Variants in ZNF695 observed in about 807,000 individuals in gnomAD.
ZNF695 encodes zinc finger protein 695.
In ZNF695, 11 loss-of-function variants were observed where a neutral mutation model predicts 11.2. That is an observed-to-expected ratio of 0.98 (90% confidence interval 0.62 to 1.62). ZNF695 has a LOEUF of 1.62. Ranked by LOEUF, ZNF695 falls within the 40% of genes most tolerant of loss-of-function variation. The pLI is 0.00. For missense variants in ZNF695, 559 were observed against 590.5 expected, an observed-to-expected ratio of 0.95 and a Z score of 0.55; for synonymous variants, 190 against 201.4, an observed-to-expected ratio of 0.94 and a Z score of 0.48.
intron 4 of ZNF695, among the ~76,000 whole-genome samples, chr1:246,975,050 T>A (rs1558310008): frequency 6.6e-6 from 1 of 152,234 alleles, no homozygotes; most frequent in Non-Finnish European, 1.5e-5. Context: ...TTATTCATTT[T>A]TATTTACTTC....
At chr1:246,965,596 G>GTGTGTGCC (rs1199997628) in intron 5 of ZNF695, among the ~76,000 whole-genome samples, 1 of 151,892 alleles carries the variant, frequency 6.6e-6, no homozygotes, top group East Asian at 1.9e-4. Context: ...AATTAGCCAG[G>GTGTGTGCC]TGTGGTCGTG....
At position 246,947,126 on chromosome 1, in the gene ZNF695, C is replaced by T. The variant is rs1439107210; in HGVS notation, c.489-1299G>A. ...CTGCACTCCAGCCTGGGCGACAAAG[C>T]GAGACTCCGTCAAAAAAAAAAAAAA... is the stretch of plus-strand genomic sequence containing the variant. On this transcript the variant is annotated intron_variant, in intron 5 of 5. Coordinates refer to the ZNF695 transcript ENST00000487338. Among the ~76,000 whole-genome samples, 10 of 97,846 alleles carry T rather than the reference C, an allele frequency of 1.0e-4. No homozygotes were observed. The East Asian group carries it at 2.7e-3, about 26-fold the overall frequency. The allele number at this position is 97,846 out of a possible 152,430, so 64.2% of individuals were successfully genotyped here.
chr1:246,979,379 G>A (rs976921611), intron 4 of ZNF695, among the ~76,000 whole-genome samples: 7 of 152,058 alleles, frequency 4.6e-5, no homozygotes, highest in East Asian at 3.9e-4. Context: ...TCCTGATTCC[G>A]TTTGTCATAG....
chr1:246,962,081 C>T (rs554462668), intron 5 of ZNF695, among the ~76,000 whole-genome samples: 3 of 152,350 alleles, frequency 2.0e-5, no homozygotes, highest in Non-Finnish European at 4.4e-5. Context: ...CTGGTTGCTT[C>T]ATAGGGCAGT....
chr1:246,953,629 C>A (rs1414332521), intron 5 of ZNF695, among the ~76,000 whole-genome samples: 1 of 151,012 alleles, frequency 6.6e-6, no homozygotes, highest in Non-Finnish European at 1.5e-5. Context: ...AACAAAAAAA[C>A]AACAAAGAAA....
At chr1:246,974,601 T>C (rs1293517920) in intron 4 of ZNF695, among the ~76,000 whole-genome samples, 1 of 152,208 alleles carries the variant, frequency 6.6e-6, no homozygotes, top group Non-Finnish European at 1.5e-5. Flanking sequence ...ATAGATATGA[T>C]ACTATAAAAG....
At chr1:246,975,666 A>T (rs528589671) in intron 4 of ZNF695, among the ~76,000 whole-genome samples, 1 of 152,220 alleles carries the variant, frequency 6.6e-6, no homozygotes, top group African/African-American at 2.4e-5. Flanking sequence ...AGTAATCATG[A>T]GGCAGAGGAG....
rs376693588 is a variant in ZNF695, at chr1:246,988,013, A to C, written c.502T>G (p.Phe168Val). The change falls in exon 4 of 4, where the codon TTT becomes GTT. Residue 168 changes from phenylalanine to valine, a missense_variant. Transcript: ENST00000339986. Reference protein sequence around the residue: ...CNKCVKGFSKFANLNKCKISH... With the variant: ...CNKCVKGFSKVANLNKCKISH... ...ATCTTACATTTATTTAGATTTGCAA[A>C]TTTACTAAAACCTTTCACACATTTA... The C allele has an allele frequency of 1.4e-5, 22 of 1,596,546 alleles. No homozygotes were observed. The highest frequency in any genetic ancestry group is 1.8e-5 in the Admixed American group (1 of 55,100).
intron 5 of ZNF695, among the ~76,000 whole-genome samples, chr1:246,955,823 G>T (rs1667980588): frequency 1.3e-5 from 2 of 152,138 alleles, no homozygotes. Context: ...TGCTCAGTGA[G>T]TCCCAGCTGA....
chr1:246,966,985 C>A, intron 5 of ZNF695: 5 of 400,702 alleles, frequency 1.2e-5, no homozygotes, highest in Non-Finnish European at 2.0e-5. Flanking sequence ...GTCGCCCAGG[C>A]TGGAGTGCAA....
chr1:246,969,839 C>T (rs1195841077), intron 4 of ZNF695, among the ~76,000 whole-genome samples: 2 of 152,088 alleles, frequency 1.3e-5, no homozygotes, highest in South Asian at 2.1e-4. Context: ...GGGGGAAGTG[C>T]TACACATTCT....
At chr1:246,977,606 G>A (rs1257191575) in intron 4 of ZNF695, among the ~76,000 whole-genome samples, 1 of 152,168 alleles carries the variant, frequency 6.6e-6, no homozygotes, top group Non-Finnish European at 1.5e-5. Context: ...AGGTGTATAA[G>A]CTTAATAACA....
chr1:247,007,865 C>T (rs1284612102), intron 1 of ZNF695, 41 bp downstream of exon 1: 3 of 1,535,544 alleles, frequency 2.0e-6, no homozygotes, highest in Admixed American at 3.8e-5. Flanking sequence ...ATTCCAACCA[C>T]CCCCTCTCCC....
chr1:246,966,533 C>G (rs1487712534), intron 5 of ZNF695, among the ~76,000 whole-genome samples: 1 of 151,948 alleles, frequency 6.6e-6, no homozygotes, highest in East Asian at 1.9e-4. Context: ...ACCTGTAATC[C>G]CAGCACTTTG....
chr1:247,006,341 G>A (rs892966387), intron 1 of ZNF695, among the ~76,000 whole-genome samples: 8 of 152,074 alleles, frequency 5.3e-5, no homozygotes, highest in Non-Finnish European at 8.8e-5. Context: ...AGCCGGGCGC[G>A]GTGGTTCATG....
intron 5 of ZNF695, chr1:246,966,878 A>G (rs773402023): frequency 2.2e-6 from 1 of 456,506 alleles, no homozygotes; most frequent in Non-Finnish European, 4.4e-6. Context: ...ATGAGGAGTT[A>G]TTGGAGGGTT....
At position 246,976,663 on chromosome 1, in the gene ZNF695, G is replaced by A. The variant is rs555341397; in HGVS notation, c.391-8871C>T. On this transcript the variant is annotated intron_variant, in intron 4 of 5. Coordinates refer to the ZNF695 transcript ENST00000487338. Reference sequence around the variant, plus strand: ...CAAAAAATTAGCCAGGCATGGTGGCGGGCACCTGTAGTCCCAGCTACTCGG... The same window carrying A: ...CAAAAAATTAGCCAGGCATGGTGGCAGGCACCTGTAGTCCCAGCTACTCGG... Among the ~76,000 whole-genome samples, 335 of 151,898 alleles carry A rather than the reference G, an allele frequency of 2.2e-3. 1 individual carries two copies. The highest frequency in any genetic ancestry group is 3.9e-3 in the Non-Finnish European group (265 of 67,972).
chr1:246,987,286 C>A lies in ZNF695; in HGVS notation c.1229G>T (p.Cys410Phe), dbSNP rs1164192376. The change falls in exon 4 of 4, where the codon TGT (cysteine) becomes TTT (phenylalanine). Residue 410 changes from cysteine to phenylalanine, a missense_variant. Coordinates refer to ENST00000339986, the MANE Select transcript of ZNF695 (RefSeq NM_020394.5). ...RIHTGQKPYKCEECGKAFTWF... is the reference protein window; with the variant it reads ...RIHTGQKPYKFEECGKAFTWF... ...GGTAAAAGCTTTGCCACATTCCTCA[C>A]ATTTGTAGGGTTTCTGCCCAGTATG... is the stretch of plus-strand genomic sequence containing the variant. 6.2e-7 allele frequency: 1 copy of A among 1,613,942 alleles called. No individual in the cohort carries two copies. The highest frequency in any genetic ancestry group is 1.7e-5 in the Admixed American group (1 of 60,026).
intron 4 of ZNF695, among the ~76,000 whole-genome samples, chr1:246,974,376 C>A (rs1668506109): frequency 6.6e-6 from 1 of 152,042 alleles, no homozygotes; most frequent in South Asian, 2.1e-4. Context: ...GGTTATGAGT[C>A]CCTCCAGAGC....
Sources: gnomAD v4.1 joint callset for allele counts (sites outside exome capture counted in the v4.1 genomes callset) on GRCh38, gnomAD v4.1.1 for gene constraint, MANE v1.5 for transcripts, NCBI Gene and HGNC (gene_info 2026-07-23, HGNC 2026-07-21) for gene names.